Variants in TPTE2 observed in about 807,000 individuals in gnomAD.
TPTE2 encodes the protein transmembrane phosphoinositide 3-phosphatase and tensin homolog 2.
Under a neutral mutation model 78.6 loss-of-function variants are expected in TPTE2, and 53 were observed. The ratio of observed to expected loss-of-function variants is 0.67; its 90% CI spans 0.54 to 0.85. The LOEUF is 0.85. TPTE2 is among the 40% of genes least tolerant of loss of function. The pLI, the probability that TPTE2 is intolerant of heterozygous loss-of-function variation, is 0.00. For missense variants in TPTE2, 461 were observed against 623.0 expected, an observed-to-expected ratio of 0.74 and a Z score of 2.77; for synonymous variants, 175 against 206.2, an observed-to-expected ratio of 0.85 and a Z score of 1.30.
chr13:19,557,196 TC>T, the TPTE2 span, among the ~76,000 whole-genome samples: 1 of 152,240 alleles, frequency 6.6e-6, no homozygotes, highest in East Asian at 1.9e-4. Context: ...TAGTAGCTAA[TC>T]TGAACCTCTG....
the TPTE2 span, among the ~76,000 whole-genome samples, chr13:19,554,308 G>T: frequency 3.3e-5 from 5 of 151,662 alleles, no homozygotes; most frequent in Non-Finnish European, 7.4e-5. Context: ...CCAGGAGGCG[G>T]AGCTTGCAGT....
chr13:19,517,234 G>T (rs1322416242), intron 1 of TPTE2, among the ~76,000 whole-genome samples: 1 of 152,122 alleles, frequency 6.6e-6, no homozygotes, highest in East Asian at 1.9e-4. Context: ...TCTCTAAGAG[G>T]GAGAAATTTA....
chr13:19,493,597 T>G, intron 1 of TPTE2, 96 bp from the exon 5 acceptor site: 1 of 1,097,972 alleles, frequency 9.1e-7, no homozygotes, highest in African/African-American at 1.5e-5. Context: ...CAGAAACCAA[T>G]TAATTTCTGA....
chr13:19,522,090 A>AT (rs1266808564), intron 1 of TPTE2, among the ~76,000 whole-genome samples: 1 of 152,138 alleles, frequency 6.6e-6, no homozygotes, highest in Non-Finnish European at 1.5e-5. Flanking sequence ...TTCTCCTTCA[A>AT]TGTTGAAGGA....
intron 1 of TPTE2, among the ~76,000 whole-genome samples, chr13:19,499,763 T>C (rs1397520531): frequency 1.8e-3 from 253 of 143,282 alleles, no homozygotes; most frequent in African/African-American, 6.3e-3. Flanking sequence ...AGCAAACACA[T>C]TCAAAAGCTA....
At chr13:19,497,374 T>G (rs1219414430) in intron 1 of TPTE2, among the ~76,000 whole-genome samples, 1 of 135,104 alleles carries the variant, frequency 7.4e-6, no homozygotes. Context: ...AAGACAGCAG[T>G]AACCTCTGCA....
chr13:19,523,349 G>T (rs1332562672), intron 1 of TPTE2, among the ~76,000 whole-genome samples: 3 of 151,978 alleles, frequency 2.0e-5, no homozygotes, highest in Non-Finnish European at 4.4e-5. Flanking sequence ...GCAAGCCTTT[G>T]GATATTTTCA....
At chr13:19,455,046 C>A (rs1317536339) in intron 10 of TPTE2, among the ~76,000 whole-genome samples, 2 of 152,108 alleles carry the variant, frequency 1.3e-5, no homozygotes, top group Admixed American at 1.3e-4. Context: ...TGTGCCCATT[C>A]GGAGCAACAG....
intron 6 of TPTE2, among the ~76,000 whole-genome samples, chr13:19,470,443 G>A (rs1026825788): frequency 6.6e-6 from 1 of 151,916 alleles, no homozygotes; most frequent in African/African-American, 2.4e-5. Context: ...ATCTTGTTGA[G>A]GATTTTTGCA....
chr13:19,433,494 C>A (rs1876833164), intron 15 of TPTE2, among the ~76,000 whole-genome samples: 1 of 152,136 alleles, frequency 6.6e-6, no homozygotes, highest in South Asian at 2.1e-4. Context: ...CAGAGCGAGA[C>A]TCTGTCTCAA....
At chr13:19,496,017 C>T (rs773020298) in intron 1 of TPTE2, among the ~76,000 whole-genome samples, 1 of 152,074 alleles carries the variant, frequency 6.6e-6, no homozygotes, top group Non-Finnish European at 1.5e-5. Flanking sequence ...TACAGGTGCC[C>T]GCCACCACAC....
rs2137612974 is a variant in TPTE2, at chr13:19,482,469, A to C, written c.179+19T>G. 1 of 1,610,862 alleles carries C rather than the reference A, an allele frequency of 6.2e-7. No individual in the cohort carries two copies. Among genetic ancestry groups the C allele is most frequent in the East Asian group, 2.2e-5 (1 of 44,608 alleles). On this transcript the variant is annotated intron_variant, in intron 4 of 19. Transcript: ENST00000400230. ...GATCCATCAATGGCTCCCTCCTTTC[A>C]AACTTCAAACTGACTTACTCATATG... is the stretch of plus-strand genomic sequence containing the variant.
intron 3 of TPTE2, among the ~76,000 whole-genome samples, chr13:19,482,950 G>A (rs1168102226): frequency 6.6e-6 from 1 of 152,110 alleles, no homozygotes; most frequent in Admixed American, 6.5e-5. Context: ...TCACACAAAT[G>A]TTTTGGTTCC....
At chr13:19,511,852 C>CT (rs35102447) in intron 1 of TPTE2, among the ~76,000 whole-genome samples, 1 of 150,990 alleles carries the variant, frequency 6.6e-6, no homozygotes, top group African/African-American at 2.4e-5. Context: ...AGAAAAACCA[C>CT]TTTTTTTAAA....
chr13:19,529,940 C>T (rs1216645948), intron 1 of TPTE2, among the ~76,000 whole-genome samples: 2 of 152,090 alleles, frequency 1.3e-5, no homozygotes, highest in Non-Finnish European at 2.9e-5. Flanking sequence ...CTGAAGTAGC[C>T]CCAGAAACTC....
exon 2 of TPTE2, chr13:19,493,470 C>T (rs773649327): frequency 4.0e-5 from 64 of 1,613,718 alleles, no homozygotes; most frequent in South Asian, 5.5e-5. Context: ...GGTGCCTCCT[C>T]GGTTGTTCCT....
At chr13:19,477,025 G>A (rs1378906690) in intron 4 of TPTE2, among the ~76,000 whole-genome samples, 2 of 152,178 alleles carry the variant, frequency 1.3e-5, no homozygotes, top group Non-Finnish European at 2.9e-5. Context: ...GGAATACTAT[G>A]CAGCCATAAA....
At chr13:19,497,211 C>T (rs1462357347) in intron 1 of TPTE2, among the ~76,000 whole-genome samples, 8 of 149,366 alleles carry the variant, frequency 5.4e-5, no homozygotes, top group Non-Finnish European at 1.0e-4. Context: ...AAGGCGGCAG[C>T]GAGGCTGGGG....
At chr13:19,553,112 TA>T in the TPTE2 span, among the ~76,000 whole-genome samples, 3 of 151,318 alleles carry the variant, frequency 2.0e-5, no homozygotes, top group Non-Finnish European at 4.4e-5. Flanking sequence ...CCAAAGAAGT[TA>T]AATTAACAGA....
Sources: gnomAD v4.1 joint callset for allele counts (sites outside exome capture counted in the v4.1 genomes callset) on GRCh38, gnomAD v4.1.1 for gene constraint, MANE v1.5 for transcripts, NCBI Gene and HGNC (gene_info 2026-07-23, HGNC 2026-07-21) for gene names.